Variants in KLC1 observed in about 807,000 individuals in gnomAD.
KLC1 encodes the protein kinesin light chain 1, also known as kinesin 2 60/70kDa.
Under a neutral mutation model 84.2 loss-of-function variants are expected in KLC1, and 30 were observed. The ratio of observed to expected loss-of-function variants is 0.36; its 90% CI spans 0.27 to 0.48. KLC1 has a LOEUF of 0.48. KLC1 is among the 20% of genes least tolerant of loss of function. The pLI is 0.99. For synonymous variants in KLC1, 289 were observed against 293.3 expected (o/e 0.99, Z 0.15); for missense variants, 499 against 805.4 (o/e 0.62, Z 4.60).
At chr14:103,646,776 A>T (rs1430157800) in intron 1 of KLC1, among the ~76,000 whole-genome samples, 1 of 151,712 alleles carries the variant, frequency 6.6e-6, no homozygotes, top group East Asian at 1.9e-4. Flanking sequence ...TGCCTAGCTA[A>T]TTTTTTTTGT....
chr14:103,691,029 A>G lies in KLC1; in HGVS notation c.1782-1330A>G, dbSNP rs1374144932. ...GTATATTTATGCATCATCTTTTAGCAGTGAGTTTTGAGTGTCTCTTCATGA... is the reference window on the plus strand; with the variant it reads ...GTATATTTATGCATCATCTTTTAGCGGTGAGTTTTGAGTGTCTCTTCATGA... On this transcript the variant is annotated intron_variant, in intron 14 of 16. Transcript: ENST00000334553. Among the ~76,000 whole-genome samples, 7 of 152,184 alleles carry G rather than the reference A, an allele frequency of 4.6e-5. No individual in the cohort carries two copies. In the East Asian group the frequency reaches 1.3e-3, roughly 29 times the overall value.
At chr14:103,695,209 A>G in intron 15 of KLC1, 9 of 810,908 alleles carry the variant, frequency 1.1e-5, no homozygotes, top group Non-Finnish European at 1.3e-5. Flanking sequence ...TAATCCTATA[A>G]TCTTAGCACT....
chr14:103,690,180 CAAA>C (rs57400682), intron 14 of KLC1, among the ~76,000 whole-genome samples: 2 of 115,126 alleles, frequency 1.7e-5, no homozygotes, highest in Non-Finnish European at 3.7e-5. Context: ...AACTTCGTCT[CAAA>C]AAAAAAAAAA....
chr14:103,663,370 G>A (rs1286860376), intron 5 of KLC1, among the ~76,000 whole-genome samples: 5 of 152,108 alleles, frequency 3.3e-5, no homozygotes, highest in South Asian at 4.1e-4. Flanking sequence ...GTGAGCCACC[G>A]CGCCCGGCCT....
At chr14:103,685,988 G>A in intron 13 of KLC1, 2 of 1,104,790 alleles carry the variant, frequency 1.8e-6, no homozygotes, top group Non-Finnish European at 2.2e-6. Context: ...TGGCATGACG[G>A]TGACCTGTTG....
At chr14:103,670,087 C>G in intron 6 of KLC1, 95 bp from the exon 7 acceptor site, 1 of 843,830 alleles carries the variant, frequency 1.2e-6, no homozygotes, top group Non-Finnish European at 1.9e-6. Context: ...GAATGCTTTA[C>G]TGTATAGATT....
intron 3 of KLC1, among the ~76,000 whole-genome samples, chr14:103,658,559 G>A (rs1666243650): frequency 6.6e-6 from 1 of 151,170 alleles, no homozygotes; most frequent in Non-Finnish European, 1.5e-5. Context: ...CCAGGTGGGA[G>A]CCACCATGCC....
chr14:103,658,202 T>A (rs2078966744), intron 3 of KLC1, among the ~76,000 whole-genome samples: 2 of 152,204 alleles, frequency 1.3e-5, no homozygotes, highest in African/African-American at 4.8e-5. Context: ...CATCCTCCCC[T>A]TGGCTTCCCT....
intron 14 of KLC1, chr14:103,687,869 C>T (rs2081876555): frequency 6.6e-6 from 1 of 152,224 alleles, no homozygotes. Context: ...CAGATTGTCC[C>T]TGCCGCAGTG....
rs1047214515 is a variant in KLC1 at position 103,662,744 on chromosome 14, G to T, written c.614G>T (p.Gly205Val). The T allele has an allele frequency of 6.2e-7, 1 of 1,608,420 alleles. No individual in the cohort carries two copies. Among genetic ancestry groups the T allele is most frequent in the Non-Finnish European group, 8.5e-7 (1 of 1,177,720 alleles). The change falls in exon 5 of 17, where the codon GGC (glycine) becomes GTC (valine). Residue 205 changes from glycine (G) to valine (V), a missense_variant. Gly to Val is a moderately radical substitution (Grantham distance 109, BLOSUM62 -3). Transcript: ENST00000334553. Reference sequence around the variant, plus strand: ...AGTGCAGCCGCGGCTGCCCAGCAGGGCGGCTACGAGATCCCCGCGCGGCTG... The same window carrying T: ...AGTGCAGCCGCGGCTGCCCAGCAGGTCGGCTACGAGATCCCCGCGCGGCTG... ...HSSAAAAAQQ[G>V]GYEIPARLRT...
chr14:103,646,776 A>AT (rs920166847), intron 1 of KLC1, among the ~76,000 whole-genome samples: 7 of 151,712 alleles, frequency 4.6e-5, no homozygotes, highest in Non-Finnish European at 7.4e-5. Flanking sequence ...TGCCTAGCTA[A>AT]TTTTTTTTGT....
Position 103,693,728 on chromosome 14 carries a change from C to T in KLC1, c.1848+1303C>T. ...CAGCCGCACTCCTTGGCTTCCTTTC[C>T]TAGATAGTGACGTCCACCAACCTTG... is the stretch of plus-strand genomic sequence containing the variant. On this transcript the variant is annotated intron_variant, in intron 15 of 16. Coordinates refer to ENST00000334553, the MANE Select transcript of KLC1 (RefSeq NM_001394837.1). The surrounding 1 kb of genome is among the most constrained non-coding windows in gnomAD (Gnocchi z 5.1). 3 of 1,474,272 alleles carry T rather than the reference C, an allele frequency of 2.0e-6. No homozygotes were observed. Among genetic ancestry groups the T allele is most frequent in the Admixed American group, 4.9e-5 (2 of 41,060 alleles). The allele number at this position is 1,474,272 out of a possible 1,614,324, so 91.3% of individuals were successfully genotyped here. A position where few individuals can be genotyped will look rare whatever the true frequency, so the allele number is the denominator to read the frequency against.
intron 5 of KLC1, among the ~76,000 whole-genome samples, chr14:103,667,146 T>C (rs1423231204): frequency 1.3e-5 from 2 of 151,190 alleles, no homozygotes; most frequent in East Asian, 2.0e-4. Context: ...AGTTTCACTC[T>C]TGTTGGCCAG....
At chr14:103,638,932 G>A (rs554188055) in intron 1 of KLC1, among the ~76,000 whole-genome samples, 3 of 152,094 alleles carry the variant, frequency 2.0e-5, no homozygotes, top group Admixed American at 2.0e-4. Flanking sequence ...CATGCAGAGT[G>A]GTAGGGTTCC....
chr14:103,688,604 C>T (rs1391948537), intron 14 of KLC1, among the ~76,000 whole-genome samples: 1 of 152,208 alleles, frequency 6.6e-6, no homozygotes, highest in African/African-American at 2.4e-5. Flanking sequence ...TGGTAGGGCT[C>T]ACCCTCTTGT....
At chr14:103,638,596 G>A (rs2077229006) in intron 1 of KLC1, among the ~76,000 whole-genome samples, 2 of 151,536 alleles carry the variant, frequency 1.3e-5, no homozygotes, top group African/African-American at 2.4e-5. Context: ...AAAACCAGGG[G>A]AGGTAAAGTG....
chr14:103,691,498 T>C (rs1250333549), intron 14 of KLC1, among the ~76,000 whole-genome samples: 1 of 122,568 alleles, frequency 8.2e-6, no homozygotes, highest in Non-Finnish European at 1.6e-5. Context: ...GTAGGTGGAG[T>C]CTCACTCTTG....
chr14:103,676,302 C>T (rs1481499034), intron 11 of KLC1, among the ~76,000 whole-genome samples: 2 of 151,906 alleles, frequency 1.3e-5, no homozygotes, highest in African/African-American at 4.8e-5. Flanking sequence ...GAGTTTCGCT[C>T]TTGTCTCCCA....
At chr14:103,668,415 C>G (rs1179288850) in intron 5 of KLC1, among the ~76,000 whole-genome samples, 1 of 152,154 alleles carries the variant, frequency 6.6e-6, no homozygotes, top group African/African-American at 2.4e-5. Flanking sequence ...CTTGCCAGTC[C>G]ATTTATTGGT....
Sources: allele counts gnomAD v4.1 joint callset (sites outside exome capture counted in the v4.1 genomes callset), GRCh38; gene constraint gnomAD v4.1.1; non-coding constraint Gnocchi (gnomAD v3.1); transcripts MANE v1.5; gene names NCBI Gene and HGNC (gene_info 2026-07-23, HGNC 2026-07-21).